The following SGK3 variants were observed in gnomAD, a reference collection of about 807,000 sequenced individuals.
SGK3 encodes serum/glucocorticoid regulated kinase family member 3, also known as serine/threonine-protein kinase Sgk3.
Under a neutral mutation model 68.5 loss-of-function variants are expected in SGK3, and 47 were observed. That is an observed-to-expected ratio of 0.69 (90% confidence interval 0.54 to 0.87). The LOEUF (loss-of-function observed/expected upper bound fraction) is 0.87, where lower values mean the gene tolerates loss of function less well. Ranked by LOEUF, SGK3 falls within the 40% of genes least tolerant of loss-of-function variation. The probability of loss-of-function intolerance (pLI) is 0.00; values close to 1 mark genes in which losing one functional copy is unlikely to be tolerated. For synonymous variants in SGK3, 181 were observed against 189.1 expected (o/e 0.96, Z 0.35); for missense variants, 479 against 575.5 (o/e 0.83, Z 1.72).
Position 66,835,760 on chromosome 8 carries a change from CA to C in SGK3, c.526-2del. The C allele has an allele frequency of 6.2e-7, 1 of 1,609,922 alleles. No homozygotes were observed. Among genetic ancestry groups the C allele is most frequent in the Middle Eastern group, 1.7e-4 (1 of 6,004 alleles). ...AGTATACACTAATGTTTAACTATAA[CA>C]GGTTCTTCTTGCAAAACGGAAACTG... is the stretch of plus-strand genomic sequence containing the variant. On this transcript the variant is annotated splice_acceptor_variant, in intron 8 of 16. Transcript: ENST00000521198. LOFTEE classifies it high-confidence loss of function.
At chr8:66,751,688 TAAGA>T (rs934368078) in intron 1 of SGK3, among the ~76,000 whole-genome samples, 2 of 152,118 alleles carry the variant, frequency 1.3e-5, no homozygotes, top group Non-Finnish European at 2.9e-5. Context: ...TGCTTCACTA[TAAGA>T]AAGAATAGGT....
At chr8:66,795,075 G>T (rs189565712) in intron 2 of SGK3, among the ~76,000 whole-genome samples, 7 of 152,290 alleles carry the variant, frequency 4.6e-5, no homozygotes, top group African/African-American at 1.4e-4. Context: ...CTAAAAAGGG[G>T]GTTACCTGGT....
At chr8:66,771,269 T>C (rs574103854) in intron 1 of SGK3, among the ~76,000 whole-genome samples, 1 of 152,334 alleles carries the variant, frequency 6.6e-6, no homozygotes, top group Admixed American at 6.5e-5. Flanking sequence ...GCTTCTTAAA[T>C]CTCTAGAACA....
In SGK3 at chr8:66,721,685, A is replaced by ATT. The variant is rs202013763; in HGVS notation, c.-122+8864_-122+8865dup. Among the ~76,000 whole-genome samples, 170 of 145,050 alleles carry ATT rather than the reference A, an allele frequency of 1.2e-3. 1 individual carries two copies. The highest frequency in any genetic ancestry group is 3.6e-3 in the African/African-American group (145 of 40,136). On this transcript the variant is annotated intron_variant, in intron 1 of 16. Coordinates refer to ENST00000521198, the MANE Select transcript of SGK3 (RefSeq NM_001033578.3). ...ACTATAAAATTTAAAGCTATTTATAATTTTTTTTTTTTTGCTCATGTCATT... is the reference window on the plus strand; with the variant it reads ...ACTATAAAATTTAAAGCTATTTATAATTTTTTTTTTTTTTTGCTCATGTCATT...
chr8:66,855,644 A>G (rs940388948), intron 16 of SGK3, among the ~76,000 whole-genome samples: 14 of 152,250 alleles, frequency 9.2e-5, no homozygotes, highest in African/African-American at 2.9e-4. Flanking sequence ...TTACTAGTCA[A>G]TGGGAAGAAA....
rs368348278 is a variant in SGK3, at chr8:66,723,176, C to T, written c.-122+10343C>T. 3.3e-3 allele frequency among the ~76,000 whole-genome samples: 383 copies of T among 117,800 alleles called. 4 individuals are homozygous for T. The highest frequency in any genetic ancestry group is 0.012 in the African/African-American group (366 of 30,284). The allele number at this position is 117,800 out of a possible 152,430, so 77.3% of individuals were successfully genotyped here. A position where few individuals can be genotyped will look rare whatever the true frequency, so the allele number is the denominator to read the frequency against. On this transcript the variant is annotated intron_variant, in intron 1 of 16. Coordinates refer to ENST00000521198, the MANE Select transcript of SGK3 (RefSeq NM_001033578.3). ...TTGTAAAAGGGTCGGCTGGGCACAG[C>T]GACTTACGCCTGTAATCCCAGCACT...
intron 1 of SGK3, among the ~76,000 whole-genome samples, chr8:66,734,025 T>G (rs1357762617): frequency 1.3e-5 from 2 of 151,422 alleles, no homozygotes; most frequent in Non-Finnish European, 2.9e-5. Context: ...ACATCTAATT[T>G]AATTTGCAAA....
intron 1 of SGK3, among the ~76,000 whole-genome samples, chr8:66,781,677 A>G: frequency 6.6e-6 from 1 of 152,212 alleles, no homozygotes; most frequent in East Asian, 1.9e-4. Context: ...TTGGTGCACA[A>G]CACTCTTCTT....
intron 15 of SGK3, 25 bp from the exon 16 acceptor site, chr8:66,850,804 TAA>T: frequency 6.4e-7 from 1 of 1,571,212 alleles, no homozygotes; most frequent in South Asian, 1.2e-5. Context: ...TCGGCATTAG[TAA>T]AACAAATTTT....
At chr8:66,832,267 G>T (rs1809333391) in intron 8 of SGK3, among the ~76,000 whole-genome samples, 2 of 152,186 alleles carry the variant, frequency 1.3e-5, no homozygotes, top group South Asian at 4.1e-4. Context: ...AAGTATCATA[G>T]ATGAAGTTAT....
At chr8:66,783,180 G>T (rs1422452729) in intron 1 of SGK3, among the ~76,000 whole-genome samples, 1 of 152,214 alleles carries the variant, frequency 6.6e-6, no homozygotes, top group Non-Finnish European at 1.5e-5. Flanking sequence ...TGAAAAGTAT[G>T]TAATGGTATC....
chr8:66,736,982 T>A (rs1805336323), intron 1 of SGK3, among the ~76,000 whole-genome samples: 1 of 151,956 alleles, frequency 6.6e-6, no homozygotes, highest in Admixed American at 6.6e-5. Flanking sequence ...CTTGCTATGT[T>A]CCCCAGGCTG....
chr8:66,822,409 A>G lies in SGK3; in HGVS notation c.367A>G (p.Lys123Glu), dbSNP rs1808879042. The change falls in exon 6 of 17, where the codon AAA (lysine) becomes GAA (glutamate). Residue 123 changes from lysine (K) to glutamate (E), a missense_variant. Lys to Glu is a moderately conservative substitution (Grantham distance 56, BLOSUM62 1). Around this residue, in one of 3 missense-constraint regions of SGK3, gnomAD observed 298 missense variants for 329.4 expected, o/e 0.90. Coordinates refer to ENST00000521198, the MANE Select transcript of SGK3 (RefSeq NM_001033578.3). ...AGCATTCCTTCAAATGGACAGTCCA[A>G]AACACCAGTCAGATCCATCTGAAGA... The part of the protein sequence containing the change: ...VRAFLQMDSP[K>E]HQSDPSEDED... The G allele has an allele frequency of 6.2e-7, 1 of 1,611,840 alleles. No homozygotes were observed. Among genetic ancestry groups the G allele is most frequent in the East Asian group, 2.2e-5 (1 of 44,750 alleles).
Position 66,748,258 on chromosome 8 carries a change from C to T in SGK3, c.-122+35425C>T, listed in dbSNP as rs555389409. Among the ~76,000 whole-genome samples the T allele has an allele frequency of 3.3e-5, 5 of 152,060 alleles. 1 individual carries two copies. In the South Asian group the frequency reaches 6.2e-4, roughly 19 times the overall value. On this transcript the variant is annotated intron_variant, in intron 1 of 16. Transcript: ENST00000521198. ...TTCTTAGAAGATTTAATTTGGAGAT[C>T]GTTTTGGTAAATTTAAAAAATACTG...
chr8:66,757,964 C>A (rs983092799), intron 1 of SGK3, among the ~76,000 whole-genome samples: 1 of 146,994 alleles, frequency 6.8e-6, no homozygotes, highest in Non-Finnish European at 1.5e-5. Context: ...TATACACACA[C>A]TATATATATA....
chr8:66,772,190 G>C (rs1392502408), intron 1 of SGK3, among the ~76,000 whole-genome samples: 2 of 146,964 alleles, frequency 1.4e-5, no homozygotes, highest in Non-Finnish European at 3.0e-5. Flanking sequence ...TGACCACCTG[G>C]GCTCAAGTGA....
chr8:66,811,987 A>C (rs1808398701), intron 4 of SGK3, among the ~76,000 whole-genome samples: 1 of 152,218 alleles, frequency 6.6e-6, no homozygotes, highest in South Asian at 2.1e-4. Context: ...AGAAAAAAGT[A>C]CCAAGTACAT....
chr8:66,796,118 T>C (rs1807670619), intron 2 of SGK3, among the ~76,000 whole-genome samples: 1 of 151,874 alleles, frequency 6.6e-6, no homozygotes, highest in East Asian at 1.9e-4. Flanking sequence ...GGTACTCATG[T>C]TATCGATAAT....
intron 4 of SGK3, among the ~76,000 whole-genome samples, chr8:66,813,257 C>T (rs542029785): frequency 4.6e-5 from 7 of 151,750 alleles, no homozygotes; most frequent in East Asian, 3.9e-4. Context: ...CAATCTCAGA[C>T]GAAAAAAGAA....
Sources: gnomAD v4.1 joint callset for allele counts (sites outside exome capture counted in the v4.1 genomes callset) on GRCh38, gnomAD v4.1.1 for gene constraint, gnomAD v4.1.1 regional missense constraint, MANE v1.5 for transcripts, NCBI Gene and HGNC (gene_info 2026-07-23, HGNC 2026-07-21) for gene names.